The following TMEM132B variants were observed in gnomAD, a reference collection of about 807,000 sequenced individuals.
TMEM132B encodes the protein transmembrane protein 132B.
In TMEM132B, 18 loss-of-function variants were observed where a neutral mutation model predicts 90.8. The ratio of observed to expected loss-of-function variants is 0.20; its 90% CI spans 0.14 to 0.29. TMEM132B has a LOEUF of 0.29. Among genes scored for constraint, TMEM132B ranks in the 10% least tolerant of loss-of-function variants. TMEM132B has a pLI of 1.00. For missense variants in TMEM132B, 1,096 were observed against 1,326.8 expected, an observed-to-expected ratio of 0.83 and a Z score of 2.70; for synonymous variants, 504 against 523.3, an observed-to-expected ratio of 0.96 and a Z score of 0.50.
chr12:125,439,654 C>T (rs1190527837), intron 3 of TMEM132B, among the ~76,000 whole-genome samples: 1 of 152,078 alleles, frequency 6.6e-6, no homozygotes, highest in African/African-American at 2.4e-5. Context: ...TTTGAATGCC[C>T]TTTATTTTTT....
Position 125,350,171 on chromosome 12 carries a change from A to G in TMEM132B, c.787A>G (p.Arg263Gly). ...SPQQAFPARE[R>G]IGSVVVYPTQ... ...CCAGCAAGCGTTTCCAGCCCGAGAG[A>G]GGATTGGGAGTGTGGTGGTCTACCC... Residue 263 changes from arginine (R) to glycine (G), a missense_variant, in exon 2 of 9, where the codon AGG (arginine) becomes GGG (glycine). Arg to Gly is a moderately radical substitution (Grantham distance 125). Transcript: ENST00000682704. 6.2e-7 allele frequency: 1 copy of G among 1,614,174 alleles called. No individual in the cohort carries two copies. Among genetic ancestry groups the G allele is most frequent in the Non-Finnish European group, 8.5e-7 (1 of 1,180,030 alleles).
rs148266172 is a variant in TMEM132B at position 125,415,662 on chromosome 12, C to T, written c.1091C>T (p.Pro364Leu). Residue 364 changes from proline (P) to leucine (L), a missense_variant, in exon 3 of 9, where the codon CCG (proline) becomes CTG (leucine). Physicochemically the swap from Pro to Leu is moderately conservative, Grantham distance 98 (BLOSUM62 -3). Coordinates refer to ENST00000682704, the MANE Select transcript of TMEM132B (RefSeq NM_001366854.1). This position sits in a 1 kb window ranked among gnomAD's most constrained non-coding sequence, Gnocchi z 5.3. ...ACCCTCACCTGCATGGGCCATCGCC[C>T]GGACACGCAGAGCAGGTAAGCATGG... is the stretch of plus-strand genomic sequence containing the variant. The part of the protein sequence containing the change: ...SATLTCMGHR[P>L]DTQSRVNGSF... 245 of 1,614,070 alleles carry T rather than the reference C, an allele frequency of 1.5e-4. No individual in the cohort carries two copies. Among genetic ancestry groups the T allele is most frequent in the African/African-American group, 1.5e-3 (112 of 75,018 alleles).
intron 1 of TMEM132B, among the ~76,000 whole-genome samples, chr12:125,237,090 C>G (rs951758786): frequency 1.3e-5 from 2 of 152,234 alleles, no homozygotes; most frequent in Admixed American, 1.3e-4. Flanking sequence ...CCTCCCTTCT[C>G]TATTTGGGTT....
At chr12:125,635,939 C>G (rs533394756) in intron 5 of TMEM132B, among the ~76,000 whole-genome samples, 1 of 152,142 alleles carries the variant, frequency 6.6e-6, no homozygotes, top group Non-Finnish European at 1.5e-5. Flanking sequence ...TAGGGTGGCA[C>G]TGAGTTCAAT....
intron 1 of TMEM132B, among the ~76,000 whole-genome samples, chr12:125,323,668 A>C (rs749534308): frequency 6.6e-6 from 1 of 152,070 alleles, no homozygotes; most frequent in Admixed American, 6.5e-5. Flanking sequence ...ACAGGTGCAC[A>C]CCATGATGCC....
chr12:125,388,088 G>C (rs1413280740), intron 2 of TMEM132B, among the ~76,000 whole-genome samples: 1 of 152,116 alleles, frequency 6.6e-6, no homozygotes, highest in Non-Finnish European at 1.5e-5. Context: ...TTGGTTGTGG[G>C]GGAGGTTGTT....
intron 3 of TMEM132B, among the ~76,000 whole-genome samples, chr12:125,453,086 C>G (rs1017168692): frequency 2.4e-3 from 323 of 132,412 alleles, no homozygotes; most frequent in Middle Eastern, 3.9e-3. Context: ...AACACACACA[C>G]ACACACACAC....
At chr12:125,551,682 T>A (rs929855991) in intron 4 of TMEM132B, among the ~76,000 whole-genome samples, 1 of 152,132 alleles carries the variant, frequency 6.6e-6, no homozygotes, top group African/African-American at 2.4e-5. Context: ...TACTTTTGTA[T>A]AATAAAATAT....
chr12:125,633,960 G>A (rs1229692927), intron 5 of TMEM132B, among the ~76,000 whole-genome samples: 1 of 152,152 alleles, frequency 6.6e-6, no homozygotes, highest in Non-Finnish European at 1.5e-5. Context: ...AGGCCCTGGG[G>A]CTCTACAATC....
chr12:125,650,560 G>C (rs976792010), intron 6 of TMEM132B, 123 bp from the exon 7 acceptor site: 31 of 1,147,888 alleles, frequency 2.7e-5, no homozygotes, highest in Middle Eastern at 2.4e-4. Flanking sequence ...TGGCTGAGCA[G>C]GTCCTGCAGG....
At chr12:125,499,716 T>C (rs1882647689) in intron 3 of TMEM132B, among the ~76,000 whole-genome samples, 1 of 152,198 alleles carries the variant, frequency 6.6e-6, no homozygotes, top group Non-Finnish European at 1.5e-5. Flanking sequence ...ATTTCTGGTC[T>C]AACCGGTTGT....
At chr12:125,563,305 A>G (rs1044277339) in intron 4 of TMEM132B, among the ~76,000 whole-genome samples, 3 of 152,092 alleles carry the variant, frequency 2.0e-5, no homozygotes, top group Non-Finnish European at 4.4e-5. Context: ...GAAACCTTCA[A>G]TTTGTAAAGA....
intron 1 of TMEM132B, among the ~76,000 whole-genome samples, chr12:125,190,565 G>C (rs1308461127): frequency 8.0e-6 from 1 of 125,228 alleles, no homozygotes; most frequent in Non-Finnish European, 1.7e-5. Context: ...GATAGTGATG[G>C]TGATAGGGAA....
chr12:125,373,037 A>G (rs576433230), intron 2 of TMEM132B, among the ~76,000 whole-genome samples: 1 of 152,264 alleles, frequency 6.6e-6, no homozygotes, highest in Non-Finnish European at 1.5e-5. Context: ...TCCTGGCCCC[A>G]TTATCCAGCT....
rs138972484 is a variant in TMEM132B, at chr12:125,651,868, GCCAGGGGTCA to G, written c.1915-561_1915-552del. Among the ~76,000 whole-genome samples the G allele has an allele frequency of 3.8e-3, 574 of 152,288 alleles. 7 individuals are homozygous for G. Among genetic ancestry groups the G allele is most frequent in the African/African-American group, 0.013 (534 of 41,560 alleles). On this transcript the variant is annotated intron_variant, in intron 7 of 8. Coordinates refer to ENST00000682704, the MANE Select transcript of TMEM132B (RefSeq NM_001366854.1). ...GTCCCTGTTTCCTTGCACTCTGTCA[GCCAGGGGTCA>G]CCAGGGGTCACTCTGCTGCAAGGCC...
intron 4 of TMEM132B, among the ~76,000 whole-genome samples, chr12:125,550,048 A>T (rs1347150401): frequency 1.2e-4 from 18 of 152,226 alleles, no homozygotes; most frequent in Admixed American, 1.2e-3. Flanking sequence ...CTAGAGGGAC[A>T]GTGTGGGGCA....
chr12:125,532,537 CAG>C (rs952211668), intron 4 of TMEM132B, among the ~76,000 whole-genome samples: 21 of 149,498 alleles, frequency 1.4e-4, no homozygotes, highest in Non-Finnish European at 2.7e-4. Context: ...TTTTTCGAGA[CAG>C]AGTCTCACTC....
At position 125,432,395 on chromosome 12, in the gene TMEM132B, A is replaced by ATATG. The variant is rs1245608315; in HGVS notation, c.1106+16728_1106+16731dup. 1.9e-5 allele frequency among the ~76,000 whole-genome samples: 2 copies of ATATG among 108,038 alleles called. 1 individual carries two copies. Among genetic ancestry groups the ATATG allele is most frequent in the Non-Finnish European group, 3.7e-5 (2 of 54,670 alleles). The allele number at this position is 108,038 out of a possible 152,430, so 70.9% of individuals were successfully genotyped here. ...TATATATATATATATATATATATAT[A>ATATG]TATGTATGTATGTGTATATATATAT... On this transcript the variant is annotated intron_variant, in intron 3 of 8. Coordinates refer to ENST00000682704, the MANE Select transcript of TMEM132B (RefSeq NM_001366854.1).
At chr12:125,231,956 A>G (rs1332893279) in intron 1 of TMEM132B, among the ~76,000 whole-genome samples, 1 of 152,040 alleles carries the variant, frequency 6.6e-6, no homozygotes, top group African/African-American at 2.4e-5. Flanking sequence ...AAATATATGC[A>G]CAAACCAGTC....
Sources: gnomAD v4.1 joint callset for allele counts (sites outside exome capture counted in the v4.1 genomes callset) on GRCh38, gnomAD v4.1.1 for gene constraint, Gnocchi (gnomAD v3.1) non-coding constraint, MANE v1.5 for transcripts, NCBI Gene and HGNC (gene_info 2026-07-23, HGNC 2026-07-21) for gene names.